The following KIF18A variants were observed in gnomAD, a reference collection of about 807,000 sequenced individuals.
KIF18A encodes kinesin-like protein KIF18A.
Under a neutral mutation model 103.3 loss-of-function variants are expected in KIF18A, and 67 were observed. The ratio of observed to expected loss-of-function variants is 0.65; its 90% CI spans 0.53 to 0.79. The LOEUF (loss-of-function observed/expected upper bound fraction) is 0.79. Among genes scored for constraint, KIF18A ranks in the 30% least tolerant of loss-of-function variants. KIF18A has a pLI of 0.00. For missense variants in KIF18A, 1,032 were observed against 1,062.5 expected (o/e 0.97, Z 0.40); for synonymous variants, 367 against 355.5 (o/e 1.03, Z -0.36).
chr11:28,077,874 G>A (rs554605730), intron 9 of KIF18A, among the ~76,000 whole-genome samples: 70 of 152,234 alleles, frequency 4.6e-4, no homozygotes, highest in African/African-American at 1.6e-3. Context: ...CAAAGATGAG[G>A]AGTTTGATTC....
chr11:28,103,298 C>T (rs1027437481), intron 1 of KIF18A, among the ~76,000 whole-genome samples: 2 of 149,374 alleles, frequency 1.3e-5, no homozygotes, highest in African/African-American at 4.9e-5. Flanking sequence ...GATCCTCAAC[C>T]AGTAAGCACA....
intron 7 of KIF18A, 125 bp from the exon 8 acceptor site, chr11:28,083,368 C>T: frequency 3.8e-6 from 4 of 1,060,532 alleles, no homozygotes; most frequent in Non-Finnish European, 5.1e-6. Flanking sequence ...TAATTATGCT[C>T]ACATTTAAAA....
intron 1 of KIF18A, among the ~76,000 whole-genome samples, chr11:28,100,748 C>A (rs1453880044): frequency 6.6e-6 from 1 of 151,986 alleles, no homozygotes; most frequent in Non-Finnish European, 1.5e-5. Flanking sequence ...TTTTAGGACT[C>A]TGTCTTTGGC....
Position 28,106,799 on chromosome 11 carries a change from C to T in KIF18A, c.-47+1265G>A, listed in dbSNP as rs560001946. Reference sequence around the variant, plus strand: ...CAGCCTGGCCAACACAGTGAATCCCCGTCTCTACCAAAGATACAAAAATTA... The same window carrying T: ...CAGCCTGGCCAACACAGTGAATCCCTGTCTCTACCAAAGATACAAAAATTA... On this transcript the variant is annotated intron_variant, in intron 1 of 16. Coordinates refer to ENST00000263181, the MANE Select transcript of KIF18A (RefSeq NM_031217.4). Among the ~76,000 whole-genome samples, 173 of 152,022 alleles carry T rather than the reference C, an allele frequency of 1.1e-3. 2 individuals are homozygous for T. The highest frequency in any genetic ancestry group is 2.0e-3 in the Non-Finnish European group (139 of 67,964).
chr11:28,026,846 T>A (rs939562738), intron 15 of KIF18A, among the ~76,000 whole-genome samples: 1 of 151,800 alleles, frequency 6.6e-6, no homozygotes, highest in Non-Finnish European at 1.5e-5. Context: ...ACGAAACAGA[T>A]GATTGTGGTT....
At chr11:28,071,076 T>C (rs1438364987) in intron 10 of KIF18A, among the ~76,000 whole-genome samples, 1 of 151,930 alleles carries the variant, frequency 6.6e-6, no homozygotes, top group East Asian at 1.9e-4. Context: ...CAGCAAAAAC[T>C]AAAAAAAGAA....
In KIF18A at chr11:28,097,668, T is replaced by G. The variant is rs759103638; in HGVS notation, c.280A>C (p.Thr94Pro). 3 of 1,611,494 alleles carry G rather than the reference T, an allele frequency of 1.9e-6. No individual in the cohort carries two copies. The highest frequency in any genetic ancestry group is 2.5e-6 in the Non-Finnish European group (3 of 1,178,120). Reference protein sequence around the residue: ...STQSEVFEHTTKPILRSFLNG... With the variant: ...STQSEVFEHTPKPILRSFLNG... Reference sequence around the variant, plus strand: ...AAAAAACTACGAAGAATTGGCTTAGTAGTGTGTTCAAAAACTTCTGACTGA... The same window carrying G: ...AAAAAACTACGAAGAATTGGCTTAGGAGTGTGTTCAAAAACTTCTGACTGA... Residue 94 changes from threonine to proline, a missense_variant, in exon 2 of 17, where the codon ACT becomes CCT. By Grantham distance (38) the Thr-to-Pro change is conservative. Coordinates refer to ENST00000263181, the MANE Select transcript of KIF18A (RefSeq NM_031217.4).
chr11:28,062,659 G>C, intron 11 of KIF18A, 143 bp from the exon 12 acceptor site: 1 of 631,396 alleles, frequency 1.6e-6, no homozygotes, highest in Non-Finnish European at 2.3e-6. Flanking sequence ...TGAAAAATAA[G>C]AGTTCTGGAA....
intron 12 of KIF18A, among the ~76,000 whole-genome samples, chr11:28,061,342 C>T (rs11030201): frequency 0.46 from 70,490 of 151,924 alleles, 17,886 homozygotes; most frequent in Admixed American, 0.56. Context: ...AACTCATCCT[C>T]TTTCTTCTAT....
intron 13 of KIF18A, among the ~76,000 whole-genome samples, chr11:28,050,754 G>A (rs1287720382): frequency 1.3e-5 from 2 of 151,724 alleles, no homozygotes; most frequent in East Asian, 1.9e-4. Context: ...CCCCCGTCTT[G>A]CACTACACTT....
chr11:28,096,173 CAAAAAAAAAAAA>C (rs1156735166), intron 2 of KIF18A, among the ~76,000 whole-genome samples: 14 of 49,692 alleles, frequency 2.8e-4, no homozygotes, highest in Non-Finnish European at 1.0e-4. Context: ...AAGACTTCAT[CAAAAAAAAAAAA>C]AAAAAAAAAA....
intron 13 of KIF18A, among the ~76,000 whole-genome samples, chr11:28,052,565 G>C (rs1359809081): frequency 1.3e-5 from 2 of 152,002 alleles, no homozygotes; most frequent in African/African-American, 4.8e-5. Flanking sequence ...TTTTATCAGT[G>C]AGATCCTCCC....
Position 28,088,733 on chromosome 11 carries a change from T to C in KIF18A, c.700-12A>G, listed in dbSNP as rs1386299149. 1.2e-6 allele frequency: 2 copies of C among 1,600,990 alleles called. No individual in the cohort carries two copies. Among genetic ancestry groups the C allele is most frequent in the Non-Finnish European group, 1.7e-6 (2 of 1,170,242 alleles). ...TGTCGCAAGTAAATCTTTTTGAAAT[T>C]ACAAAATAGAAAAAAATGAGGATAA... On this transcript the variant is annotated splice_polypyrimidine_tract_variant and intron_variant, in intron 5 of 16. Transcript: ENST00000263181.
intron 1 of KIF18A, 65 bp from the exon 2 acceptor site, chr11:28,098,058 T>C: frequency 1.3e-6 from 1 of 799,426 alleles, no homozygotes; most frequent in Non-Finnish European, 2.0e-6. Context: ...ACAACTGGCA[T>C]GTAGTATTCA....
chr11:28,100,071 C>T (rs1851426322), intron 1 of KIF18A, among the ~76,000 whole-genome samples: 1 of 151,954 alleles, frequency 6.6e-6, no homozygotes, highest in Non-Finnish European at 1.5e-5. Context: ...AAGAGAGAGA[C>T]AGGATTGAAG....
intron 15 of KIF18A, among the ~76,000 whole-genome samples, chr11:28,033,570 G>A (rs1414949200): frequency 6.6e-6 from 1 of 151,768 alleles, no homozygotes; most frequent in Non-Finnish European, 1.5e-5. Context: ...CAGCATGGAT[G>A]GAACTGATGG....
At chr11:28,104,229 GTC>G (rs1851478967) in intron 1 of KIF18A, among the ~76,000 whole-genome samples, 1 of 152,116 alleles carries the variant, frequency 6.6e-6, no homozygotes, top group African/African-American at 2.4e-5. Context: ...TGTATTGCAT[GTC>G]ATTTACCTGC....
intron 11 of KIF18A, 24 bp downstream of exon 11, chr11:28,069,235 C>G (rs761372475): frequency 3.1e-6 from 5 of 1,588,296 alleles, no homozygotes; most frequent in African/African-American, 1.3e-5. Context: ...CAAATTAAAT[C>G]TGAACATACA....
At position 28,094,740 on chromosome 11, in the gene KIF18A, T is replaced by G; in HGVS notation, c.386A>C (p.Glu129Ala). 6.2e-7 allele frequency: 1 copy of G among 1,613,798 alleles called. No individual in the cohort carries two copies. The highest frequency in any genetic ancestry group is 8.5e-7 in the Non-Finnish European group (1 of 1,179,676). Residue 129 changes from glutamate to alanine, a missense_variant, in exon 3 of 17, where the codon GAA (glutamate) becomes GCA (alanine). By Grantham distance (107) the Glu-to-Ala change is moderately radical (BLOSUM62 -1). Coordinates refer to ENST00000263181, the MANE Select transcript of KIF18A (RefSeq NM_031217.4). Reference protein sequence around the residue: ...KTHTMLGSADEPGVMYLTMLH... With the variant: ...KTHTMLGSADAPGVMYLTMLH... The stretch of plus-strand genomic sequence containing the variant: ...CATTGTTAGATACATCACTCCAGGT[T>G]CATCAGCTGATCCTAGCATAGTGTG...
Sources: gnomAD v4.1 joint callset for allele counts (sites outside exome capture counted in the v4.1 genomes callset) on GRCh38, gnomAD v4.1.1 for gene constraint, MANE v1.5 for transcripts, NCBI Gene and HGNC (gene_info 2026-07-23, HGNC 2026-07-21) for gene names.